BANP: variants seen among roughly 807,000 people sequenced by gnomAD.
BANP encodes protein BANP.
BANP carries 11 observed loss-of-function variants against 68.1 expected under a neutral mutation model. That is an observed-to-expected ratio of 0.16 (90% confidence interval 0.10 to 0.27). The LOEUF is 0.27. Ranked by LOEUF, BANP falls within the 10% of genes least tolerant of loss-of-function variation. The pLI is 1.00. For missense variants in BANP, 504 were observed against 722.7 expected, an observed-to-expected ratio of 0.70 and a Z score of 3.47; for synonymous variants, 329 against 303.2, an observed-to-expected ratio of 1.09 and a Z score of -0.88.
At chr16:88,067,555 G>A (rs2089039385) in intron 12 of BANP, among the ~76,000 whole-genome samples, 1 of 152,142 alleles carries the variant, frequency 6.6e-6, no homozygotes, top group African/African-American at 2.4e-5. Context: ...TACTTTATGG[G>A]TATTTTATGC....
chr16:88,061,988 G>A (rs567409171), intron 11 of BANP, among the ~76,000 whole-genome samples: 2 of 152,202 alleles, frequency 1.3e-5, no homozygotes, highest in African/African-American at 4.8e-5. Flanking sequence ...GTATGAGGAA[G>A]CTTCTTTGAA....
chr16:88,021,134 C>T (rs1001430317), intron 7 of BANP, among the ~76,000 whole-genome samples: 1 of 152,196 alleles, frequency 6.6e-6, no homozygotes, highest in African/African-American at 2.4e-5. Flanking sequence ...TGGGCCACCA[C>T]CCTCTCCCCT....
At chr16:88,059,654 A>G (rs1452534170) in intron 11 of BANP, among the ~76,000 whole-genome samples, 1 of 152,038 alleles carries the variant, frequency 6.6e-6, no homozygotes, top group Non-Finnish European at 1.5e-5. Context: ...AGCACCACAG[A>G]TGAAGCTTTT....
chr16:87,993,757 C>T (rs1035857609), intron 4 of BANP, among the ~76,000 whole-genome samples: 2 of 152,136 alleles, frequency 1.3e-5, no homozygotes, highest in Admixed American at 6.5e-5. Context: ...CCACCACACC[C>T]GGCTGCTAAT....
At position 87,954,769 on chromosome 16, in the gene BANP, G is replaced by C. The variant is rs550447775; in HGVS notation, c.-69+3254G>C. ...GGTCCTCTGCATCTGTCAGGAGTGT[G>C]TTCTTTCTTGTGGGTTGATAACACC... On this transcript the variant is annotated intron_variant, in intron 1 of 13. Transcript: ENST00000682872. 2.1e-4 allele frequency among the ~76,000 whole-genome samples: 32 copies of C among 152,326 alleles called. No individual in the cohort carries two copies. The East Asian group carries it at 5.6e-3, about 27-fold the overall frequency.
chr16:87,975,193 G>A lies in BANP; in HGVS notation c.70+8G>A. On this transcript the variant is annotated splice_region_variant and intron_variant, in intron 2 of 13. Transcript: ENST00000682872. ...TGAGCCCTGACCACCCAGGTACAGA[G>A]CTGTGGGACAGTAGGTGAAATATTA... The A allele has an allele frequency of 6.2e-7, 1 of 1,613,824 alleles. No homozygotes were observed. Among genetic ancestry groups the A allele is most frequent in the Non-Finnish European group, 8.5e-7 (1 of 1,179,694 alleles).
At chr16:87,976,842 G>T (rs1377033505) in intron 2 of BANP, among the ~76,000 whole-genome samples, 1 of 152,176 alleles carries the variant, frequency 6.6e-6, no homozygotes, top group Non-Finnish European at 1.5e-5. Flanking sequence ...CACCATCATT[G>T]CATATTATTT....
intron 7 of BANP, among the ~76,000 whole-genome samples, chr16:88,022,014 G>T (rs2076126514): frequency 6.6e-6 from 1 of 152,138 alleles, no homozygotes; most frequent in Non-Finnish European, 1.5e-5. Flanking sequence ...AGAGAAATTT[G>T]CTTTTTGGGG....
chr16:87,958,754 C>T (rs533959125), intron 1 of BANP, among the ~76,000 whole-genome samples: 2 of 152,340 alleles, frequency 1.3e-5, no homozygotes, highest in South Asian at 4.1e-4. Flanking sequence ...TTAGGGGTGA[C>T]TGTGATTGAA....
chr16:88,009,021 G>C (rs2072173489), intron 6 of BANP, among the ~76,000 whole-genome samples: 1 of 152,238 alleles, frequency 6.6e-6, no homozygotes, highest in South Asian at 2.1e-4. Flanking sequence ...TAGTGGCTTG[G>C]TGAAAATGAG....
At chr16:88,043,110 G>A (rs1240494239) in intron 11 of BANP, among the ~76,000 whole-genome samples, 2 of 152,224 alleles carry the variant, frequency 1.3e-5, no homozygotes, top group African/African-American at 4.8e-5. Context: ...GAGCCCGTGT[G>A]TGTGGACCTG....
chr16:87,976,334 G>C (rs1426283413), intron 2 of BANP, among the ~76,000 whole-genome samples: 1 of 152,168 alleles, frequency 6.6e-6, no homozygotes, highest in Non-Finnish European at 1.5e-5. Context: ...TTTAAAAATG[G>C]TGTTAAAGGC....
intron 6 of BANP, among the ~76,000 whole-genome samples, chr16:88,008,346 A>G (rs1387996684): frequency 2.6e-5 from 4 of 152,238 alleles, no homozygotes; most frequent in Non-Finnish European, 4.4e-5. Context: ...TTTTTCACAC[A>G]TGAAATTTGA....
intron 1 of BANP, among the ~76,000 whole-genome samples, chr16:87,962,298 C>CGG (rs2059336656): frequency 6.7e-6 from 1 of 149,218 alleles, no homozygotes; most frequent in Non-Finnish European, 1.5e-5. Flanking sequence ...TTACCAGTCT[C>CGG]AGATACTCAG....
chr16:87,996,133 A>C (rs1415222244), intron 4 of BANP, among the ~76,000 whole-genome samples: 2 of 152,202 alleles, frequency 1.3e-5, no homozygotes, highest in Admixed American at 6.5e-5. Context: ...GTGCCCAGGC[A>C]GAGGTGTGTG....
intron 4 of BANP, among the ~76,000 whole-genome samples, chr16:87,988,140 A>C (rs928368729): frequency 6.6e-6 from 1 of 152,254 alleles, no homozygotes; most frequent in Non-Finnish European, 1.5e-5. Flanking sequence ...ATTTGTGAAC[A>C]CATATGAATG....
chr16:88,058,350 T>C (rs1016562538), intron 11 of BANP, among the ~76,000 whole-genome samples: 1 of 152,208 alleles, frequency 6.6e-6, no homozygotes, highest in Non-Finnish European at 1.5e-5. Flanking sequence ...CGGGACGTGC[T>C]GATGTCAGGC....
rs912807178 is a variant in BANP, at chr16:88,077,009, T to C, written c.*348T>C. On this transcript the variant is annotated 3_prime_UTR_variant, in exon 14 of 14. Transcript: ENST00000682872. ...TGGTGTTTATAACAAAAAAGAAAAT[T>C]TGAAAAAAAAAATCCCAGGGGAGTA... is the stretch of plus-strand genomic sequence containing the variant. The C allele has an allele frequency of 2.1e-5, 5 of 242,540 alleles. No homozygotes were observed. Among genetic ancestry groups the C allele is most frequent in the Non-Finnish European group, 4.1e-5 (5 of 123,234 alleles). The allele number at this position is 242,540 out of a possible 1,614,324, so 15.0% of individuals were successfully genotyped here.
rs902270067 is a variant in BANP, at chr16:88,036,437, C to G, written c.1272+1043C>G. ...GAGAGAGAAGCCCTGCCATCGGGGA[C>G]TCACAGCGGGCGCAGAGCCTCCTGC... is the stretch of plus-strand genomic sequence containing the variant. On this transcript the variant is annotated intron_variant, in intron 10 of 13. Transcript: ENST00000682872. The surrounding 1 kb of genome is among the most constrained non-coding windows in gnomAD (Gnocchi z 4.2). 4.7e-4 allele frequency among the ~76,000 whole-genome samples: 72 copies of G among 152,262 alleles called. No homozygotes were observed. Among genetic ancestry groups the G allele is most frequent in the African/African-American group, 1.7e-3 (70 of 41,532 alleles).
Sources: gnomAD v4.1 joint callset for allele counts (sites outside exome capture counted in the v4.1 genomes callset) on GRCh38, gnomAD v4.1.1 for gene constraint, Gnocchi (gnomAD v3.1) non-coding constraint, MANE v1.5 for transcripts, NCBI Gene and HGNC (gene_info 2026-07-23, HGNC 2026-07-21) for gene names.